NLGN1: variants seen among roughly 807,000 people sequenced by gnomAD.
NLGN1 encodes the protein neuroligin-1.
A neutral mutation model predicts 65.5 loss-of-function variants in NLGN1; 12 were observed. The observed-to-expected ratio is 0.18, with a 90% CI of 0.12 to 0.30. The LOEUF (loss-of-function observed/expected upper bound fraction) is 0.30. Among genes scored for constraint, NLGN1 ranks in the 10% least tolerant of loss-of-function variants. NLGN1 has a pLI of 1.00. For missense variants in NLGN1, 750 were observed against 1,007.1 expected (o/e 0.74, Z 3.46); for synonymous variants, 350 against 359.5 (o/e 0.97, Z 0.30).
At chr3:173,584,205 TTAAC>T (rs1390878576) in intron 2 of NLGN1, among the ~76,000 whole-genome samples, 1 of 150,744 alleles carries the variant, frequency 6.6e-6, no homozygotes, top group Non-Finnish European at 1.5e-5. Flanking sequence ...TCAGCCTTCT[TTAAC>T]TACTGCAGTA....
intron 3 of NLGN1, among the ~76,000 whole-genome samples, chr3:173,737,406 A>G (rs1773945933): frequency 6.6e-6 from 1 of 151,974 alleles, no homozygotes. Flanking sequence ...CCCCATACCT[A>G]TAAGCAGTCA....
chr3:173,597,508 C>T (rs1295231886), intron 2 of NLGN1, among the ~76,000 whole-genome samples: 1 of 152,084 alleles, frequency 6.6e-6, no homozygotes, highest in Non-Finnish European at 1.5e-5. Flanking sequence ...TTAAGATTCT[C>T]TCTGGTTTCT....
intron 2 of NLGN1, among the ~76,000 whole-genome samples, chr3:173,482,360 A>AT (rs1406251117): frequency 6.6e-6 from 1 of 151,724 alleles, no homozygotes; most frequent in Non-Finnish European, 1.5e-5. Context: ...ATGTGATATA[A>AT]TTTTTTAACA....
chr3:173,558,784 A>G (rs1341026278), intron 2 of NLGN1, among the ~76,000 whole-genome samples: 6 of 151,968 alleles, frequency 3.9e-5, no homozygotes, highest in Non-Finnish European at 8.8e-5. Context: ...TGCACTTTTA[A>G]CTTGGATATG....
At chr3:174,075,505 T>C (rs2152540347) in intron 4 of NLGN1, among the ~76,000 whole-genome samples, 1 of 152,194 alleles carries the variant, frequency 6.6e-6, no homozygotes, top group Non-Finnish European at 1.5e-5. Flanking sequence ...ACAAAAGGAA[T>C]CGGAATTTCC....
intron 4 of NLGN1, among the ~76,000 whole-genome samples, chr3:174,256,706 C>A (rs1355889280): frequency 1.3e-5 from 2 of 152,088 alleles, no homozygotes; most frequent in African/African-American, 4.8e-5. Flanking sequence ...GCTTCAGTTT[C>A]TGTTTCCTGT....
intron 3 of NLGN1, among the ~76,000 whole-genome samples, chr3:173,742,566 C>A (rs1774812448): frequency 6.6e-6 from 1 of 152,002 alleles, no homozygotes; most frequent in South Asian, 2.1e-4. Flanking sequence ...TCTTTAATTT[C>A]TTTCTTATGC....
intron 2 of NLGN1, among the ~76,000 whole-genome samples, chr3:173,513,703 T>G (rs1733350092): frequency 6.6e-6 from 1 of 152,172 alleles, no homozygotes. Flanking sequence ...ATGTTCTCAC[T>G]GTTTGGTGAA....
At chr3:173,451,902 T>C (rs1033204775) in intron 2 of NLGN1, among the ~76,000 whole-genome samples, 1 of 152,154 alleles carries the variant, frequency 6.6e-6, no homozygotes, top group African/African-American at 2.4e-5. Flanking sequence ...GTTAAGCCCA[T>C]TGGAAAAGTG....
chr3:173,522,472 C>T (rs775050541), intron 2 of NLGN1, among the ~76,000 whole-genome samples: 2 of 152,170 alleles, frequency 1.3e-5, no homozygotes, highest in Non-Finnish European at 2.9e-5. Context: ...GCTCAGTCGC[C>T]CAGGCTGGAG....
chr3:174,187,599 A>G (rs2152755496), intron 4 of NLGN1, among the ~76,000 whole-genome samples: 1 of 152,184 alleles, frequency 6.6e-6, no homozygotes, highest in South Asian at 2.1e-4. Context: ...TGCAAAGTCA[A>G]AATCTGAAAA....
intron 4 of NLGN1, among the ~76,000 whole-genome samples, chr3:174,184,024 T>C (rs532539895): frequency 6.6e-6 from 1 of 152,268 alleles, no homozygotes; most frequent in African/African-American, 2.4e-5. Context: ...TGAATACAAA[T>C]AAATCATGCC....
At chr3:173,462,011 T>C (rs1047583052) in intron 2 of NLGN1, among the ~76,000 whole-genome samples, 1 of 152,190 alleles carries the variant, frequency 6.6e-6, no homozygotes, top group African/African-American at 2.4e-5. Flanking sequence ...ACATTTTCTA[T>C]AAGTTATTAT....
chr3:173,585,446 A>G (rs965395975), intron 2 of NLGN1, among the ~76,000 whole-genome samples: 2 of 152,056 alleles, frequency 1.3e-5, no homozygotes, highest in South Asian at 2.1e-4. Flanking sequence ...GATATTTTGC[A>G]GGGGGAATTG....
At chr3:174,017,731 A>G (rs1050896988) in intron 4 of NLGN1, among the ~76,000 whole-genome samples, 1 of 152,030 alleles carries the variant, frequency 6.6e-6, no homozygotes, top group African/African-American at 2.4e-5. Flanking sequence ...TCAAAAGGGG[A>G]GGGAGTGTAC....
At chr3:173,892,974 T>A (rs1735635839) in intron 4 of NLGN1, among the ~76,000 whole-genome samples, 3 of 152,226 alleles carry the variant, frequency 2.0e-5, no homozygotes, top group Admixed American at 1.3e-4. Context: ...ATTATAACTA[T>A]GCATCTTCTG....
intron 3 of NLGN1, among the ~76,000 whole-genome samples, chr3:173,778,993 G>A (rs1780729334): frequency 2.0e-5 from 3 of 151,262 alleles, no homozygotes; most frequent in Admixed American, 6.6e-5. Context: ...AACAAGATAA[G>A]TGATACAGAA....
rs190057735 is a variant in NLGN1, at chr3:173,987,176, C to T, written c.646+179344C>T. Among the ~76,000 whole-genome samples, 4 of 152,242 alleles carry T rather than the reference C, an allele frequency of 2.6e-5. No individual in the cohort carries two copies. The East Asian group carries it at 7.7e-4, about 29-fold the overall frequency. Reference sequence around the variant, plus strand: ...TTCCCTGAAATTACTGCTACCATTACCACTCTTCTTTGAAGACCAGTCTAA... The same window carrying T: ...TTCCCTGAAATTACTGCTACCATTATCACTCTTCTTTGAAGACCAGTCTAA... On this transcript the variant is annotated intron_variant, in intron 4 of 6. Coordinates refer to ENST00000457714, the Ensembl canonical transcript of NLGN1.
chr3:173,595,071 A>G (rs908020840), intron 2 of NLGN1, among the ~76,000 whole-genome samples: 1 of 152,100 alleles, frequency 6.6e-6, no homozygotes, highest in Non-Finnish European at 1.5e-5. Flanking sequence ...CATTTTAACC[A>G]TTGTCCTGGG....
Sources: gnomAD v4.1 joint callset for allele counts (sites outside exome capture counted in the v4.1 genomes callset) on GRCh38, gnomAD v4.1.1 for gene constraint, MANE v1.5 for transcripts, NCBI Gene and HGNC (gene_info 2026-07-23, HGNC 2026-07-21) for gene names.